The following KIFAP3 variants were observed in gnomAD, a reference collection of about 807,000 sequenced individuals.
KIFAP3 encodes the protein kinesin associated protein 3, also known as kinesin-associated protein 3.
Under a neutral mutation model 106.5 loss-of-function variants are expected in KIFAP3, and 68 were observed. That is an observed-to-expected ratio of 0.64 (90% CI 0.53 to 0.78). The LOEUF (loss-of-function observed/expected upper bound fraction) is 0.78. KIFAP3 is among the 30% of genes least tolerant of loss of function. KIFAP3 has a pLI of 0.00. For synonymous variants in KIFAP3, 320 were observed against 311.5 expected, an observed-to-expected ratio of 1.03 and a Z score of -0.29; for missense variants, 780 against 941.8, an observed-to-expected ratio of 0.83 and a Z score of 2.25.
intron 9 of KIFAP3, among the ~76,000 whole-genome samples, chr1:170,019,540 T>C (rs1472811096): frequency 6.6e-6 from 1 of 152,066 alleles, no homozygotes; most frequent in Non-Finnish European, 1.5e-5. Context: ...TCAATGTAAC[T>C]CACTATATCA....
intron 19 of KIFAP3, among the ~76,000 whole-genome samples, chr1:169,949,312 C>T (rs750839307): frequency 6.6e-6 from 1 of 152,018 alleles, no homozygotes; most frequent in Non-Finnish European, 1.5e-5. Flanking sequence ...ATAATGCATA[C>T]ATCTAGTTTG....
chr1:169,981,949 A>G, intron 15 of KIFAP3, 23 bp downstream of exon 15: 1 of 1,583,486 alleles, frequency 6.3e-7, no homozygotes, highest in South Asian at 1.1e-5. Context: ...ACATTAACAT[A>G]AAAATAAATT....
At chr1:170,023,579 G>T (rs1169872346) in intron 9 of KIFAP3, among the ~76,000 whole-genome samples, 1 of 151,960 alleles carries the variant, frequency 6.6e-6, no homozygotes, top group African/African-American at 2.4e-5. Flanking sequence ...GTGCAGTGAA[G>T]AATTATTTGT....
At chr1:169,926,515 A>T (rs1663138924) in intron 19 of KIFAP3, among the ~76,000 whole-genome samples, 1 of 152,148 alleles carries the variant, frequency 6.6e-6, no homozygotes, top group South Asian at 2.1e-4. Context: ...TTAAACAAAA[A>T]TTTTAAGAAG....
chr1:169,987,846 A>C (rs1402762554), intron 11 of KIFAP3, among the ~76,000 whole-genome samples: 1 of 152,092 alleles, frequency 6.6e-6, no homozygotes, highest in Non-Finnish European at 1.5e-5. Context: ...TGGCATTTGC[A>C]CCCATTTAAA....
chr1:170,080,963 C>T (rs914536988), intron 1 of KIFAP3, among the ~76,000 whole-genome samples: 6 of 152,078 alleles, frequency 3.9e-5, no homozygotes, highest in African/African-American at 1.4e-4. Flanking sequence ...ATAAAATTAT[C>T]TTTAACATTT....
At chr1:169,942,859 T>TTATA (rs1195201069) in intron 19 of KIFAP3, among the ~76,000 whole-genome samples, 1 of 151,734 alleles carries the variant, frequency 6.6e-6, no homozygotes, top group Admixed American at 6.6e-5. Context: ...GTTTATAACA[T>TTATA]TATATTTCCT....
intron 19 of KIFAP3, among the ~76,000 whole-genome samples, chr1:169,935,986 C>T (rs549443496): frequency 6.6e-6 from 1 of 152,022 alleles, no homozygotes; most frequent in African/African-American, 2.4e-5. Flanking sequence ...AAAATTCCTA[C>T]AGGTAAATTC....
At chr1:169,999,029 T>C (rs953810694) in intron 10 of KIFAP3, among the ~76,000 whole-genome samples, 1 of 152,196 alleles carries the variant, frequency 6.6e-6, no homozygotes, top group Admixed American at 6.5e-5. Context: ...GTAAAGACTC[T>C]TTGGCAGCCA....
At chr1:169,921,849 C>T in intron 19 of KIFAP3, 68 bp from the exon 20 acceptor site, 1 of 1,142,566 alleles carries the variant, frequency 8.8e-7, no homozygotes, top group Non-Finnish European at 1.3e-6. Context: ...GATTAAGAGG[C>T]CTACATTTTT....
intron 1 of KIFAP3, among the ~76,000 whole-genome samples, chr1:170,059,011 T>C (rs1228548552): frequency 6.6e-6 from 1 of 152,162 alleles, no homozygotes; most frequent in Non-Finnish European, 1.5e-5. Context: ...CTGGGACACA[T>C]TTAAAGCAGC....
rs537471545 is a variant in KIFAP3, at chr1:170,062,027, G to C, written c.33-6591C>G. 1.9e-3 allele frequency among the ~76,000 whole-genome samples: 287 copies of C among 152,100 alleles called. 2 individuals carry two copies. Among genetic ancestry groups the C allele is most frequent in the African/African-American group, 2.9e-3 (121 of 41,474 alleles). Reference sequence around the variant, plus strand: ...GGGGCCTGTCACGTGGTGGGGAGAGGGGGGAGGGATAGCATTAGGAGATAT... The same window carrying C: ...GGGGCCTGTCACGTGGTGGGGAGAGCGGGGAGGGATAGCATTAGGAGATAT... On this transcript the variant is annotated intron_variant, in intron 1 of 19. Coordinates refer to ENST00000361580, the MANE Select transcript of KIFAP3 (RefSeq NM_014970.4).
chr1:169,986,104 T>G (rs1162422123), intron 11 of KIFAP3, among the ~76,000 whole-genome samples: 2 of 151,816 alleles, frequency 1.3e-5, no homozygotes, highest in African/African-American at 2.4e-5. Context: ...TAGAACATGT[T>G]GGATTCATGC....
At chr1:170,039,409 T>C in intron 3 of KIFAP3, 121 bp from the exon 4 acceptor site, 1 of 568,488 alleles carries the variant, frequency 1.8e-6, no homozygotes, top group Non-Finnish European at 3.1e-6. Context: ...AAATAGTTTA[T>C]GAAATAATCT....
chr1:169,942,223 C>G (rs964680021), intron 19 of KIFAP3, among the ~76,000 whole-genome samples: 1 of 151,620 alleles, frequency 6.6e-6, no homozygotes, highest in South Asian at 2.1e-4. Flanking sequence ...ACTAAACATA[C>G]AAAATAACTA....
At chr1:170,016,131 C>T (rs536091754) in intron 10 of KIFAP3, among the ~76,000 whole-genome samples, 1 of 151,914 alleles carries the variant, frequency 6.6e-6, no homozygotes, top group Non-Finnish European at 1.5e-5. Context: ...TTAAACGATA[C>T]CTGCGTTGTT....
intron 3 of KIFAP3, among the ~76,000 whole-genome samples, chr1:170,043,032 T>C (rs191783331): frequency 1.3e-5 from 2 of 152,320 alleles, no homozygotes; most frequent in East Asian, 3.9e-4. Context: ...GTTGTATCCA[T>C]CTCCAAATTC....
At chr1:170,060,024 G>C (rs1481007255) in intron 1 of KIFAP3, among the ~76,000 whole-genome samples, 2 of 151,982 alleles carry the variant, frequency 1.3e-5, no homozygotes, top group African/African-American at 2.4e-5. Context: ...TATCAAAATA[G>C]TCAGAGCTAT....
At chr1:169,932,313 A>G (rs1663537892) in intron 19 of KIFAP3, among the ~76,000 whole-genome samples, 1 of 152,178 alleles carries the variant, frequency 6.6e-6, no homozygotes, top group African/African-American at 2.4e-5. Context: ...TAAGAAATGA[A>G]AATAAACTAA....
Sources: gnomAD v4.1 joint callset for allele counts (sites outside exome capture counted in the v4.1 genomes callset) on GRCh38, gnomAD v4.1.1 for gene constraint, MANE v1.5 for transcripts, NCBI Gene and HGNC (gene_info 2026-07-23, HGNC 2026-07-21) for gene names.